Variants in SHISAL1 observed in about 807,000 individuals in gnomAD.
SHISAL1 encodes protein shisa-like-1.
In SHISAL1, 9 loss-of-function variants were observed where a neutral mutation model predicts 22.6. The observed-to-expected ratio is 0.40, with a 90% CI of 0.24 to 0.70. The LOEUF is 0.70. SHISAL1 is among the 30% of genes least tolerant of loss of function. The pLI is 0.39. For missense variants in SHISAL1, 246 were observed against 270.6 expected (o/e 0.91, Z 0.64); for synonymous variants, 119 against 115.4 (o/e 1.03, Z -0.20).
At chr22:44,317,284 C>T (rs1211571197), upstream of SHISAL1, among the ~76,000 whole-genome samples, 3 of 152,214 alleles carry the variant, frequency 2.0e-5, no homozygotes, top group Admixed American at 6.5e-5. Flanking sequence ...GCTGCACCGA[C>T]GAGCAGGGCC....
At chr22:44,286,346 G>T (rs1473361581) in intron 3 of SHISAL1, among the ~76,000 whole-genome samples, 1 of 152,180 alleles carries the variant, frequency 6.6e-6, no homozygotes, top group African/African-American at 2.4e-5. Flanking sequence ...CGGGCCCCAT[G>T]ACCTCACTTC....
chr22:44,244,497 G>A lies in SHISAL1; in HGVS notation c.*5188C>T, dbSNP rs1315359665. The A allele has an allele frequency of 1.3e-5, 2 of 152,170 alleles. No homozygotes were observed. Among genetic ancestry groups the A allele is most frequent in the African/African-American group, 2.4e-5 (1 of 41,428 alleles). The allele number at this position is 152,170 out of a possible 1,614,324, so 9.4% of individuals were successfully genotyped here. Reference sequence around the variant, plus strand: ...TTTGATGTAAAGATAGGAGTTTTAGGTACAGAGTAACTAACAGTCAAATCT... The same window carrying A: ...TTTGATGTAAAGATAGGAGTTTTAGATACAGAGTAACTAACAGTCAAATCT... On this transcript the variant is annotated 3_prime_UTR_variant, in exon 5 of 5. Transcript: ENST00000381176.
At chr22:44,260,607 C>G (rs1264318959) in intron 4 of SHISAL1, among the ~76,000 whole-genome samples, 1 of 152,250 alleles carries the variant, frequency 6.6e-6, no homozygotes, top group African/African-American at 2.4e-5. Flanking sequence ...CACTCCTTTA[C>G]AAGCCATTCC....
chr22:44,259,449 G>A (rs1410895745), intron 4 of SHISAL1, among the ~76,000 whole-genome samples: 1 of 138,412 alleles, frequency 7.2e-6, no homozygotes, highest in Non-Finnish European at 1.6e-5. Flanking sequence ...AAATAGAATA[G>A]AATAAAAATA....
chr22:44,276,828 G>C, intron 4 of SHISAL1, among the ~76,000 whole-genome samples: 1 of 146,870 alleles, frequency 6.8e-6, no homozygotes, highest in African/African-American at 2.7e-5. Flanking sequence ...GGGGTCCCCA[G>C]GGGTGGGTGG....
the SHISAL1 span, among the ~76,000 whole-genome samples, chr22:44,323,646 ACCAT>A: frequency 0.067 from 7,416 of 111,188 alleles, 272 homozygotes; most frequent in East Asian, 0.21. Context: ...CCACCCACTC[ACCAT>A]CCATCCATCC....
intron 3 of SHISAL1, among the ~76,000 whole-genome samples, chr22:44,286,497 G>A (rs553606907): frequency 1.3e-5 from 2 of 152,292 alleles, no homozygotes; most frequent in Admixed American, 1.3e-4. Flanking sequence ...TGCAGACAGG[G>A]TCTGCGCTCC....
At chr22:44,283,558 G>A (rs980136271) in intron 4 of SHISAL1, among the ~76,000 whole-genome samples, 1 of 152,236 alleles carries the variant, frequency 6.6e-6, no homozygotes, top group Non-Finnish European at 1.5e-5. Flanking sequence ...AGTGACGTAG[G>A]AAATGGAAGA....
At chr22:44,330,287 A>G in the SHISAL1 span, among the ~76,000 whole-genome samples, 1 of 152,238 alleles carries the variant, frequency 6.6e-6, no homozygotes, top group Non-Finnish European at 1.5e-5. Flanking sequence ...GGGAAGCCTC[A>G]GGAGCCTTGG....
intron 1 of SHISAL1, among the ~76,000 whole-genome samples, chr22:44,311,918 C>T (rs1266560477): frequency 6.6e-6 from 1 of 152,210 alleles, no homozygotes; most frequent in Non-Finnish European, 1.5e-5. Context: ...CTGGAAATCC[C>T]AGAGGCATTT....
At chr22:44,295,164 C>G (rs1430093281) in intron 3 of SHISAL1, among the ~76,000 whole-genome samples, 1 of 152,060 alleles carries the variant, frequency 6.6e-6, no homozygotes, top group Non-Finnish European at 1.5e-5. Context: ...GTGGTTAACA[C>G]AGTGAGGCAC....
chr22:44,321,289 C>A, the SHISAL1 span, among the ~76,000 whole-genome samples: 1 of 152,340 alleles, frequency 6.6e-6, no homozygotes, highest in African/African-American at 2.4e-5. Context: ...CAGCTTTCCA[C>A]AAGTGCCACG....
chr22:44,289,466 A>ATGTGTGTGTGTG (rs35632126), intron 3 of SHISAL1, among the ~76,000 whole-genome samples: 2 of 120,922 alleles, frequency 1.7e-5, no homozygotes, highest in Non-Finnish European at 3.4e-5. Flanking sequence ...GTCATTGTAA[A>ATGTGTGTGTGTG]TGTGTGTGTG....
At chr22:44,284,744 C>T (rs570716531) in intron 4 of SHISAL1, among the ~76,000 whole-genome samples, 164 of 152,310 alleles carry the variant, frequency 1.1e-3, no homozygotes, top group Non-Finnish European at 1.6e-3. Flanking sequence ...TGCTGCACTA[C>T]CCAGGGCCGC....
intron 3 of SHISAL1, among the ~76,000 whole-genome samples, chr22:44,291,449 G>A (rs1176164538): frequency 6.6e-6 from 1 of 152,216 alleles, no homozygotes; most frequent in African/African-American, 2.4e-5. Flanking sequence ...TAGTGAACGG[G>A]GCTAGTGGAA....
At chr22:44,272,039 A>G (rs940457073) in intron 4 of SHISAL1, among the ~76,000 whole-genome samples, 3 of 152,162 alleles carry the variant, frequency 2.0e-5, no homozygotes, top group Non-Finnish European at 4.4e-5. Flanking sequence ...TGGCTGGGTG[A>G]AGCCGTGTGG....
rs1488391323 is a variant in SHISAL1, at chr22:44,311,780, C to CTCAG, written c.-33+967_-33+970dup. On this transcript the variant is annotated intron_variant, in intron 1 of 4. Coordinates refer to ENST00000381176, the MANE Select transcript of SHISAL1 (RefSeq NM_001099294.2). ...CACAGGGCGAGGGGCTCAGGCCAGA[C>CTCAG]TCAGTTTCCTCCCCTATTAAAGGGA... is the stretch of plus-strand genomic sequence containing the variant. Among the ~76,000 whole-genome samples, 4 of 152,348 alleles carry CTCAG rather than the reference C, an allele frequency of 2.6e-5. No homozygotes were observed. The East Asian group carries it at 7.7e-4, about 29-fold the overall frequency.
At chr22:44,284,495 G>A (rs2055297694) in intron 4 of SHISAL1, among the ~76,000 whole-genome samples, 1 of 152,088 alleles carries the variant, frequency 6.6e-6, no homozygotes, top group Non-Finnish European at 1.5e-5. Flanking sequence ...TCCAGCAAGG[G>A]GGCTCTGGGA....
chr22:44,264,282 G>C (rs2055146466), intron 4 of SHISAL1, among the ~76,000 whole-genome samples: 1 of 152,244 alleles, frequency 6.6e-6, no homozygotes, highest in Non-Finnish European at 1.5e-5. Context: ...GTGAGGCTCA[G>C]AGCCATGCTG....
Sources: allele counts gnomAD v4.1 joint callset (sites outside exome capture counted in the v4.1 genomes callset), GRCh38; gene constraint gnomAD v4.1.1; transcripts MANE v1.5; gene names NCBI Gene and HGNC (gene_info 2026-07-23, HGNC 2026-07-21).